Variants in SP140 observed in about 807,000 individuals in gnomAD.
SP140 encodes SP140 nuclear body protein.
A neutral mutation model predicts 125.0 loss-of-function variants in SP140; 81 were observed. The observed-to-expected ratio is 0.65, with a 90% CI of 0.54 to 0.78. SP140 has a LOEUF of 0.78. Among genes scored for constraint, SP140 ranks in the 30% least tolerant of loss-of-function variants. The pLI is 0.00. For synonymous variants in SP140, 312 were observed against 354.0 expected, an observed-to-expected ratio of 0.88 and a Z score of 1.33; for missense variants, 858 against 1,037.0, an observed-to-expected ratio of 0.83 and a Z score of 2.37.
chr2:230,309,857 T>G (rs2059166471), intron 22 of SP140, 67 bp from the exon 23 acceptor site: 1 of 1,546,112 alleles, frequency 6.5e-7, no homozygotes, highest in African/African-American at 1.4e-5. Context: ...GTGTTCTAGT[T>G]GCCCAGAGGG....
At chr2:230,284,551 C>T (rs1188546242) in intron 16 of SP140, 140 bp downstream of exon 16, 2 of 642,078 alleles carry the variant, frequency 3.1e-6, no homozygotes, top group South Asian at 3.3e-5. Flanking sequence ...CAGGCTGTGA[C>T]AAAGAGGCCT....
At chr2:230,213,309 G>C (rs1051299680) in intron 1 of SP140, among the ~76,000 whole-genome samples, 1 of 151,976 alleles carries the variant, frequency 6.6e-6, no homozygotes, top group African/African-American at 2.4e-5. Context: ...TGTACCCAGG[G>C]GTTTAACTTT....
intron 1 of SP140, among the ~76,000 whole-genome samples, chr2:230,230,184 T>C (rs1242267927): frequency 2.0e-5 from 3 of 152,116 alleles, no homozygotes; most frequent in African/African-American, 4.8e-5. Context: ...AAAGGATAGT[T>C]AGGCAGACAG....
chr2:230,271,843 G>T (rs969623408), intron 15 of SP140, among the ~76,000 whole-genome samples: 3 of 152,148 alleles, frequency 2.0e-5, no homozygotes, highest in African/African-American at 7.2e-5. Flanking sequence ...CTTTTTGCCA[G>T]TTCCCTGGGA....
intron 12 of SP140, among the ~76,000 whole-genome samples, chr2:230,257,740 C>G (rs1251356013): frequency 1.3e-5 from 2 of 152,152 alleles, no homozygotes; most frequent in Admixed American, 6.5e-5. Context: ...GCACTCCAGC[C>G]TGGTGACAGA....
intron 22 of SP140, among the ~76,000 whole-genome samples, chr2:230,301,386 A>G (rs2058269601): frequency 6.6e-6 from 1 of 152,132 alleles, no homozygotes; most frequent in Non-Finnish European, 1.5e-5. Context: ...TGAAGCAAAA[A>G]CATCAGCTAA....
At chr2:230,234,912 C>G (rs970689433) in intron 1 of SP140, 2 of 152,130 alleles carry the variant, frequency 1.3e-5, no homozygotes, top group Non-Finnish European at 2.9e-5. Flanking sequence ...TTTTGCTTAT[C>G]TTGGTTTTAC....
At chr2:230,275,382 C>A (rs534700467) in intron 15 of SP140, among the ~76,000 whole-genome samples, 2 of 152,042 alleles carry the variant, frequency 1.3e-5, no homozygotes, top group South Asian at 4.1e-4. Flanking sequence ...TGGTAATTCT[C>A]GCAATATTTC....
At position 230,228,559 on chromosome 2, in the gene SP140, T is replaced by G. The variant is rs1267648583; in HGVS notation, c.59+2656T>G. 2.6e-5 allele frequency among the ~76,000 whole-genome samples: 4 copies of G among 152,354 alleles called. No individual in the cohort carries two copies. In the East Asian group the frequency reaches 7.7e-4, roughly 29 times the overall value. ...TTCTATCAGTTTTTGCCTCATACATTTTGCCATTAGTTTGTTAGTTGCATA... is the reference window on the plus strand; with the variant it reads ...TTCTATCAGTTTTTGCCTCATACATGTTGCCATTAGTTTGTTAGTTGCATA... On this transcript the variant is annotated intron_variant, in intron 1 of 26. Transcript: ENST00000392045.
chr2:230,190,561 T>C, the SP140 span, among the ~76,000 whole-genome samples: 1 of 152,244 alleles, frequency 6.6e-6, no homozygotes, highest in Non-Finnish European at 1.5e-5. Flanking sequence ...TTTAGTTTAA[T>C]TAATTCCCAT....
At chr2:230,290,358 A>C in intron 18 of SP140, 102 bp from the exon 19 acceptor site, 1 of 1,067,244 alleles carries the variant, frequency 9.4e-7, no homozygotes, top group Non-Finnish European at 1.4e-6. Context: ...TTTGGAATAG[A>C]ATTTCCTAAG....
At chr2:230,248,369 G>A (rs1351390766) in intron 8 of SP140, among the ~76,000 whole-genome samples, 1 of 152,154 alleles carries the variant, frequency 6.6e-6, no homozygotes, top group Non-Finnish European at 1.5e-5. Context: ...AAGGCCAGCT[G>A]GGGGTTCAGG....
chr2:230,305,238 T>C (rs1007354928), intron 22 of SP140, among the ~76,000 whole-genome samples: 11 of 152,068 alleles, frequency 7.2e-5, no homozygotes, highest in African/African-American at 2.7e-4. Context: ...GGCCATAACT[T>C]AAAGATCAAA....
intron 1 of SP140, chr2:230,209,997 T>C: frequency 6.3e-7 from 1 of 1,593,050 alleles, no homozygotes; most frequent in Non-Finnish European, 8.6e-7. Context: ...TCTGGAGAAT[T>C]ATCTCTTATC....
At chr2:230,226,722 A>G (rs1055340580) in intron 1 of SP140, among the ~76,000 whole-genome samples, 1 of 144,436 alleles carries the variant, frequency 6.9e-6, no homozygotes, top group Non-Finnish European at 1.5e-5. Flanking sequence ...AGATCACACC[A>G]TTACACTTTA....
intron 7 of SP140, among the ~76,000 whole-genome samples, chr2:230,247,030 C>T (rs62193143): frequency 0.095 from 14,521 of 152,126 alleles, 915 homozygotes; most frequent in Non-Finnish European, 0.12. Flanking sequence ...ATGTTAGCAG[C>T]GAGTTTTCAC....
upstream of SP140, among the ~76,000 whole-genome samples, chr2:230,201,964 G>GT (rs2148857222): frequency 6.6e-6 from 1 of 152,242 alleles, no homozygotes; most frequent in Non-Finnish European, 1.5e-5. Flanking sequence ...AGATATCTGT[G>GT]TAAGGCCAGA....
chr2:230,250,013 G>C (rs1176014956), intron 9 of SP140, among the ~76,000 whole-genome samples: 1 of 152,190 alleles, frequency 6.6e-6, no homozygotes, highest in East Asian at 1.9e-4. Context: ...TGTGCCTGAA[G>C]ATATTTATCC....
intron 18 of SP140, among the ~76,000 whole-genome samples, chr2:230,288,433 A>G (rs2056672820): frequency 6.6e-6 from 1 of 152,078 alleles, no homozygotes; most frequent in African/African-American, 2.4e-5. Flanking sequence ...TCTGGAAAGC[A>G]AGAGCATGAA....
Sources: allele counts gnomAD v4.1 joint callset (sites outside exome capture counted in the v4.1 genomes callset), GRCh38; gene constraint gnomAD v4.1.1; transcripts MANE v1.5; gene names NCBI Gene and HGNC (gene_info 2026-07-23, HGNC 2026-07-21).